The following AKT3 variants were observed in gnomAD, a reference collection of about 807,000 sequenced individuals.
The protein encoded by AKT3 is AKT serine/threonine kinase 3, also known as RAC-gamma serine/threonine-protein kinase.
Under a neutral mutation model 65.3 loss-of-function variants are expected in AKT3, and 15 were observed. The ratio of observed to expected loss-of-function variants is 0.23; its 90% CI spans 0.15 to 0.35. The LOEUF is 0.35. Among genes scored for constraint, AKT3 ranks in the 10% least tolerant of loss-of-function variants. The probability of loss-of-function intolerance (pLI) is 1.00; values close to 1 mark genes in which losing one functional copy is unlikely to be tolerated. For synonymous variants in AKT3, 206 were observed against 183.8 expected (o/e 1.12, Z -0.98); for missense variants, 243 against 576.5 (o/e 0.42, Z 5.92).
chr1:243,681,163 A>G (rs918646610), intron 3 of AKT3, among the ~76,000 whole-genome samples: 7 of 152,188 alleles, frequency 4.6e-5, no homozygotes, highest in Admixed American at 6.6e-5. Context: ...TTCTCCAGCT[A>G]TAAAATAGAC....
At position 243,806,926 on chromosome 1, in the gene AKT3, T is replaced by C. The variant is rs190355719; in HGVS notation, c.46+36199A>G. On this transcript the variant is annotated intron_variant, in intron 2 of 13. Transcript: ENST00000673466. ...ATGGATCTCAAATATGGATTACATA[T>C]GGCCATTAAAAAGCAATTTCCCTAT... 2.0e-5 allele frequency among the ~76,000 whole-genome samples: 3 copies of C among 152,298 alleles called. No homozygotes were observed. The East Asian group carries it at 5.8e-4, about 29-fold the overall frequency.
chr1:243,818,096 G>T (rs1403339504), intron 2 of AKT3: 1 of 152,138 alleles, frequency 6.6e-6, no homozygotes, highest in East Asian at 1.9e-4. Context: ...ATTAAAACTG[G>T]ATCACTCCCC....
intron 2 of AKT3, among the ~76,000 whole-genome samples, chr1:243,758,086 T>A (rs1437595272): frequency 2.0e-5 from 3 of 152,194 alleles, no homozygotes; most frequent in African/African-American, 7.2e-5. Flanking sequence ...TTAAAGCTCT[T>A]AAATAGGTTA....
intron 9 of AKT3, 128 bp downstream of exon 9, chr1:243,572,798 T>A: frequency 9.3e-7 from 1 of 1,069,760 alleles, no homozygotes; most frequent in East Asian, 2.7e-5. Flanking sequence ...GAACTAAATT[T>A]TTAAACATAG....
At chr1:243,696,358 T>C (rs1222366667) in intron 2 of AKT3, among the ~76,000 whole-genome samples, 1 of 151,980 alleles carries the variant, frequency 6.6e-6, no homozygotes, top group Non-Finnish European at 1.5e-5. Context: ...TATGGTACAG[T>C]GTCAAGAACA....
chr1:243,633,465 T>A (rs565903854), intron 6 of AKT3, among the ~76,000 whole-genome samples: 1 of 152,150 alleles, frequency 6.6e-6, no homozygotes, highest in Non-Finnish European at 1.5e-5. Context: ...GGACACACAA[T>A]GCATAAAGAT....
At chr1:243,583,456 T>C (rs1282211475) in intron 8 of AKT3, among the ~76,000 whole-genome samples, 2 of 143,380 alleles carry the variant, frequency 1.4e-5, no homozygotes, top group Non-Finnish European at 3.0e-5. Context: ...ACTCTACCCA[T>C]CAGCCACAGA....
chr1:243,489,540 A>G (rs1361225623), intron 13 of AKT3, among the ~76,000 whole-genome samples: 1 of 152,188 alleles, frequency 6.6e-6, no homozygotes, highest in Non-Finnish European at 1.5e-5. Context: ...TTGAGGAAAG[A>G]GGTGTTCCCA....
At chr1:243,761,756 A>G (rs1269238359) in intron 2 of AKT3, among the ~76,000 whole-genome samples, 1 of 152,212 alleles carries the variant, frequency 6.6e-6, no homozygotes, top group Non-Finnish European at 1.5e-5. Context: ...AGTAACTGTT[A>G]GCTGGGAAGA....
At chr1:243,607,678 T>A (rs898752726) in intron 8 of AKT3, among the ~76,000 whole-genome samples, 1 of 152,146 alleles carries the variant, frequency 6.6e-6, no homozygotes. Context: ...TGGAAAGGCA[T>A]GATTGTGTTT....
intron 10 of AKT3, among the ~76,000 whole-genome samples, chr1:243,561,547 T>A (rs1574610661): frequency 6.6e-6 from 1 of 152,176 alleles, no homozygotes; most frequent in Non-Finnish European, 1.5e-5. Context: ...TTTAAAAAAT[T>A]GCATTTGCTA....
At chr1:243,649,896 T>C (rs539991541) in intron 4 of AKT3, among the ~76,000 whole-genome samples, 3 of 152,260 alleles carry the variant, frequency 2.0e-5, no homozygotes, top group East Asian at 3.9e-4. Context: ...GTCTTTATGG[T>C]AGAATGATTT....
chr1:243,716,624 T>C (rs1006787729), intron 2 of AKT3, among the ~76,000 whole-genome samples: 1 of 152,176 alleles, frequency 6.6e-6, no homozygotes, highest in Non-Finnish European at 1.5e-5. Context: ...TTCATTTCTA[T>C]AATAAACACA....
At chr1:243,744,522 G>A (rs1261760547) in intron 2 of AKT3, among the ~76,000 whole-genome samples, 1 of 151,868 alleles carries the variant, frequency 6.6e-6, no homozygotes, top group Non-Finnish European at 1.5e-5. Context: ...GGTGGATCAC[G>A]AGGTCAGGAG....
At chr1:243,579,775 G>A (rs1055475599) in intron 8 of AKT3, among the ~76,000 whole-genome samples, 1 of 152,116 alleles carries the variant, frequency 6.6e-6, no homozygotes, top group African/African-American at 2.4e-5. Context: ...GCAAGGAACA[G>A]GTTATTTTAG....
At chr1:243,669,936 G>A (rs1683053491) in intron 3 of AKT3, among the ~76,000 whole-genome samples, 1 of 152,046 alleles carries the variant, frequency 6.6e-6, no homozygotes, top group Non-Finnish European at 1.5e-5. Flanking sequence ...AAGTATTCAT[G>A]AACCAAATGA....
chr1:243,783,148 T>C (rs1691017842), intron 2 of AKT3, among the ~76,000 whole-genome samples: 2 of 136,526 alleles, frequency 1.5e-5, no homozygotes, highest in Admixed American at 8.0e-5. Context: ...ATTAATGAAG[T>C]GAACTGGTGA....
At chr1:243,813,613 G>GT in intron 2 of AKT3, among the ~76,000 whole-genome samples, 1 of 152,108 alleles carries the variant, frequency 6.6e-6, no homozygotes, top group African/African-American at 2.4e-5. Context: ...CAAATATAGT[G>GT]TAAGGACCCT....
intron 3 of AKT3, among the ~76,000 whole-genome samples, chr1:243,682,967 C>A (rs1684026382): frequency 6.6e-6 from 1 of 152,148 alleles, no homozygotes; most frequent in South Asian, 2.1e-4. Context: ...TAAAACATCT[C>A]AAAATACCAA....
Sources: allele counts gnomAD v4.1 joint callset (sites outside exome capture counted in the v4.1 genomes callset), GRCh38; gene constraint gnomAD v4.1.1; transcripts MANE v1.5; gene names NCBI Gene and HGNC (gene_info 2026-07-23, HGNC 2026-07-21).